UBE2R2: variants seen among roughly 807,000 people sequenced by gnomAD.
UBE2R2 encodes the protein ubiquitin-conjugating enzyme E2 R2.
UBE2R2 carries 1 observed loss-of-function variant against 27.8 expected under a neutral mutation model. The ratio of observed to expected loss-of-function variants is 0.04; its 90% CI spans 0.01 to 0.17. The LOEUF is 0.17. Among genes scored for constraint, UBE2R2 ranks in the 10% least tolerant of loss-of-function variants. The pLI is 1.00. For missense variants in UBE2R2, 100 were observed against 291.0 expected (o/e 0.34, Z 4.78); for synonymous variants, 106 against 113.3 (o/e 0.94, Z 0.41).
intron 1 of UBE2R2, among the ~76,000 whole-genome samples, chr9:33,857,725 G>A (rs1821141365): frequency 6.6e-6 from 1 of 152,222 alleles, no homozygotes; most frequent in South Asian, 2.1e-4. Context: ...ATGTAGCTGT[G>A]TGTGTGAAAG....
chr9:33,881,769 T>C (rs1821736696), intron 1 of UBE2R2, among the ~76,000 whole-genome samples: 1 of 152,184 alleles, frequency 6.6e-6, no homozygotes, highest in Non-Finnish European at 1.5e-5. Context: ...GATACCAATA[T>C]GATTTACTGC....
At chr9:33,862,447 T>A (rs1821260850) in intron 1 of UBE2R2, among the ~76,000 whole-genome samples, 1 of 152,218 alleles carries the variant, frequency 6.6e-6, no homozygotes, top group South Asian at 2.1e-4. Context: ...GGCAAACTGC[T>A]CATTTCTTTT....
Position 33,917,341 on chromosome 9 carries a change from G to C in UBE2R2, c.*104G>C. Reference sequence around the variant, plus strand: ...CCCTCAGCAAAAACCTATTCACAGCGGGTGGGGAAACACACACAGCTCCTG... The same window carrying C: ...CCCTCAGCAAAAACCTATTCACAGCCGGTGGGGAAACACACACAGCTCCTG... On this transcript the variant is annotated 3_prime_UTR_variant, in exon 5 of 5. Coordinates refer to ENST00000263228, the MANE Select transcript of UBE2R2 (RefSeq NM_017811.4). 2.6e-6 allele frequency: 4 copies of C among 1,532,774 alleles called. No homozygotes were observed. The highest frequency in any genetic ancestry group is 2.6e-6 in the Non-Finnish European group (3 of 1,143,658). The allele number at this position is 1,532,774 out of a possible 1,614,324, so 94.9% of individuals were successfully genotyped here.
intron 1 of UBE2R2, among the ~76,000 whole-genome samples, chr9:33,860,408 A>G (rs1821202942): frequency 6.6e-6 from 1 of 152,150 alleles, no homozygotes; most frequent in South Asian, 2.1e-4. Flanking sequence ...ACTACGCCCT[A>G]CCACTCTTTG....
chr9:33,831,212 C>T (rs1480501970), intron 1 of UBE2R2: 1 of 151,742 alleles, frequency 6.6e-6, no homozygotes, highest in Non-Finnish European at 1.5e-5. Flanking sequence ...GAGGTTGAGG[C>T]TGGTGGATCT....
rs952592618 is a variant in UBE2R2 at position 33,916,577 on chromosome 9, G to C, written c.498-441G>C. 1.3e-5 allele frequency among the ~76,000 whole-genome samples: 2 copies of C among 152,176 alleles called. 1 individual carries two copies. Among genetic ancestry groups the C allele is most frequent in the Admixed American group, 1.3e-4 (2 of 15,282 alleles). ...TTTATGATCTAGCCCCAAGAAACTA[G>C]GAGGCGTATTAGCCCTTCTATTATC... On this transcript the variant is annotated intron_variant, in intron 4 of 4. Transcript: ENST00000263228.
intron 1 of UBE2R2, among the ~76,000 whole-genome samples, chr9:33,882,599 A>G (rs1206049121): frequency 2.0e-5 from 3 of 152,166 alleles, no homozygotes; most frequent in Non-Finnish European, 4.4e-5. Flanking sequence ...GATATTTTAG[A>G]AATCAAGATC....
At chr9:33,823,737 T>C (rs184435026) in intron 1 of UBE2R2, among the ~76,000 whole-genome samples, 29 of 152,314 alleles carry the variant, frequency 1.9e-4, no homozygotes, top group African/African-American at 6.0e-4. Flanking sequence ...TTTTGAGAAA[T>C]TGAAGAATTT....
chr9:33,869,610 C>T (rs975823966), intron 1 of UBE2R2, among the ~76,000 whole-genome samples: 11 of 151,706 alleles, frequency 7.3e-5, no homozygotes, highest in East Asian at 2.0e-4. Context: ...CCACCACACC[C>T]GGCTAATTTT....
chr9:33,870,303 C>T (rs1821459328), intron 1 of UBE2R2, among the ~76,000 whole-genome samples: 1 of 152,116 alleles, frequency 6.6e-6, no homozygotes, highest in Non-Finnish European at 1.5e-5. Flanking sequence ...CCACCATTCC[C>T]AGCTAATTTT....
At position 33,917,694 on chromosome 9, in the gene UBE2R2, A is replaced by C. The variant is rs1645294557; in HGVS notation, c.*457A>C. On this transcript the variant is annotated 3_prime_UTR_variant, in exon 5 of 5. Transcript: ENST00000263228. ...AAGAAAATGGAAAAAAACCCACAAA[A>C]CAAACTTTAAAAAAAAAAAAAAACA... 4.7e-6 allele frequency: 1 copy of C among 212,544 alleles called. No individual in the cohort carries two copies. The highest frequency in any genetic ancestry group is 9.3e-6 in the Non-Finnish European group (1 of 107,918). 13.2% of individuals were successfully genotyped at this position (212,544 alleles called of 1,614,324 possible). A position where few individuals can be genotyped will look rare whatever the true frequency, so the allele number is the denominator to read the frequency against.
At chr9:33,891,667 A>C (rs965271196) in intron 2 of UBE2R2, among the ~76,000 whole-genome samples, 42 of 152,114 alleles carry the variant, frequency 2.8e-4, no homozygotes, top group African/African-American at 8.2e-4. Flanking sequence ...ATAAATAAAT[A>C]AATCAAAAGA....
At chr9:33,853,080 G>GT (rs1241946653) in intron 1 of UBE2R2, among the ~76,000 whole-genome samples, 1 of 152,138 alleles carries the variant, frequency 6.6e-6, no homozygotes, top group African/African-American at 2.4e-5. Context: ...AGGCCCAACT[G>GT]TTTTAGCAGT....
At chr9:33,903,051 A>T (rs1822278710) in intron 3 of UBE2R2, among the ~76,000 whole-genome samples, 1 of 152,056 alleles carries the variant, frequency 6.6e-6, no homozygotes, top group Non-Finnish European at 1.5e-5. Context: ...GTGAGCCAGG[A>T]TCGTGCCACT....
chr9:33,886,441 G>C (rs1296829317), intron 1 of UBE2R2, among the ~76,000 whole-genome samples: 2 of 152,070 alleles, frequency 1.3e-5, no homozygotes, highest in Admixed American at 1.3e-4. Flanking sequence ...TGGATCACAA[G>C]GTCAAGAGAT....
chr9:33,830,824 G>A (rs1287403970), intron 1 of UBE2R2, among the ~76,000 whole-genome samples: 1 of 151,806 alleles, frequency 6.6e-6, no homozygotes, highest in Non-Finnish European at 1.5e-5. Flanking sequence ...TGGGCAGCTG[G>A]TATTTAATTT....
chr9:33,877,819 G>GTCTCTCTCTCTC (rs1435783363), intron 1 of UBE2R2, among the ~76,000 whole-genome samples: 37 of 92,988 alleles, frequency 4.0e-4, no homozygotes, highest in South Asian at 3.5e-3. Flanking sequence ...CTGTCTGTCT[G>GTCTCTCTCTCTC]TCTGTCTCTC....
At chr9:33,830,022 C>A (rs1241609925) in intron 1 of UBE2R2, among the ~76,000 whole-genome samples, 1 of 151,988 alleles carries the variant, frequency 6.6e-6, no homozygotes, top group Non-Finnish European at 1.5e-5. Context: ...GTCTCGAACT[C>A]CCGACCTCTG....
At chr9:33,890,670 C>T (rs981196508) in intron 2 of UBE2R2, among the ~76,000 whole-genome samples, 1 of 151,688 alleles carries the variant, frequency 6.6e-6, no homozygotes, top group African/African-American at 2.4e-5. Context: ...ATTAGCCAGG[C>T]GCAGTGGCAG....
Sources: gnomAD v4.1 joint callset for allele counts (sites outside exome capture counted in the v4.1 genomes callset) on GRCh38, gnomAD v4.1.1 for gene constraint, MANE v1.5 for transcripts, NCBI Gene and HGNC (gene_info 2026-07-23, HGNC 2026-07-21) for gene names.